Variants in STRN4 observed in about 807,000 individuals in gnomAD.
The protein encoded by STRN4 is striatin-4.
In STRN4, 27 loss-of-function variants were observed where a neutral mutation model predicts 77.9. That is an observed-to-expected ratio of 0.35 (90% confidence interval 0.26 to 0.48). STRN4 has a LOEUF of 0.48. STRN4 is among the 20% of genes least tolerant of loss of function. The pLI is 0.99. For synonymous variants in STRN4, 466 were observed against 443.1 expected (o/e 1.05, Z -0.65); for missense variants, 798 against 1,049.7 (o/e 0.76, Z 3.31).
intron 11 of STRN4, 102 bp downstream of exon 11, chr19:46,725,230 G>A: frequency 5.2e-6 from 8 of 1,525,334 alleles, no homozygotes; most frequent in Non-Finnish European, 7.2e-6. Context: ...GCCCCCTGCT[G>A]TCCTGCCTCC....
intron 1 of STRN4, 47 bp downstream of exon 1, chr19:46,746,102 C>CCGGGT: frequency 7.3e-7 from 1 of 1,373,680 alleles, no homozygotes; most frequent in Non-Finnish European, 9.4e-7. Context: ...TGAGGCCGGG[C>CCGGGT]CGGGCCGGGC....
rs750561720 is a variant in STRN4, at chr19:46,722,796, G to A, written c.1906+14C>T. ...ACTGAGACCAATTCCATGAGCTGAT[G>A]TCAGCCCCCTTACCGCTGCTGCCCC... On this transcript the variant is annotated intron_variant, in intron 14 of 17. Coordinates refer to ENST00000263280, the MANE Select transcript of STRN4 (RefSeq NM_013403.3). 5.6e-6 allele frequency: 9 copies of A among 1,613,246 alleles called. No individual in the cohort carries two copies. Among genetic ancestry groups the A allele is most frequent in the Non-Finnish European group, 7.6e-6 (9 of 1,179,698 alleles).
chr19:46,737,481 A>G (rs920897368), intron 3 of STRN4, among the ~76,000 whole-genome samples: 2 of 152,122 alleles, frequency 1.3e-5, no homozygotes, highest in African/African-American at 4.8e-5. Flanking sequence ...CATCACTATC[A>G]GCTGAGCACA....
rs115320369 is a variant in STRN4 at position 46,745,563 on chromosome 19, C to T, written c.282+586G>A. ...CCGACTTCCTCTCCCTAAATCCTCC[C>T]GGTTCCCCATCTGGACCCGCTCTTT... On this transcript the variant is annotated intron_variant, in intron 1 of 17. Transcript: ENST00000263280. Among the ~76,000 whole-genome samples, 500 of 152,246 alleles carry T rather than the reference C, an allele frequency of 3.3e-3. 3 individuals carry two copies. Among genetic ancestry groups the T allele is most frequent in the African/African-American group, 0.011 (477 of 41,530 alleles).
intron 9 of STRN4, 124 bp from the exon 10 acceptor site, chr19:46,725,772 A>C (rs1385844645): frequency 1.1e-5 from 14 of 1,274,974 alleles, no homozygotes; most frequent in Non-Finnish European, 1.2e-5. Flanking sequence ...ATGCCCTCAG[A>C]GCCTGGGCTC....
rs1441927092 is a variant in STRN4 at position 46,736,909 on chromosome 19, G to A, written c.461-8C>T. The A allele has an allele frequency of 6.2e-7, 1 of 1,610,908 alleles. No homozygotes were observed. Among genetic ancestry groups the A allele is most frequent in the Non-Finnish European group, 8.5e-7 (1 of 1,178,458 alleles). On this transcript the variant is annotated splice_region_variant and splice_polypyrimidine_tract_variant and intron_variant, in intron 3 of 17. Transcript: ENST00000263280. ...CCACGGGGCCATTGGAGACTGGCGG[G>A]TGAGAGAACGGAGGCTGTCTTAAGT...
At position 46,746,037 on chromosome 19, in the gene STRN4, C is replaced by A. The variant is rs1034659793; in HGVS notation, c.282+112G>T. The A allele has an allele frequency of 1.3e-4, 156 of 1,232,144 alleles. 10 individuals are homozygous for A. The highest frequency in any genetic ancestry group is 8.5e-4 in the African/African-American group (52 of 61,456). The allele number at this position is 1,232,144 out of a possible 1,614,324, so 76.3% of individuals were successfully genotyped here. ...ACCGTCGCGGTCCCCTCCCGCCCCC[C>A]CGCCGGCCGTCCCGGCGGCCATTGC... On this transcript the variant is annotated intron_variant, in intron 1 of 17. Transcript: ENST00000263280.
At position 46,730,758 on chromosome 19, in the gene STRN4, C is replaced by A. The variant is rs185426424; in HGVS notation, c.853G>T (p.Val285Leu). The A allele has an allele frequency of 1.2e-6, 2 of 1,612,706 alleles. No homozygotes were observed. The highest frequency in any genetic ancestry group is 2.7e-5 in the African/African-American group (2 of 75,046). ...TTCACACGCTGCTTCTTGTGCTGCA[C>A]GCTGTCCAGCTCATCGTCCTCGTCG... Reference protein sequence around the residue: ...DSDEDDELDSVQHKKQRVKLP... With the variant: ...DSDEDDELDSLQHKKQRVKLP... Residue 285 changes from valine (V) to leucine (L), a missense_variant, in exon 6 of 18, where the codon GTG becomes TTG. By Grantham distance (32) the Val-to-Leu change is conservative (BLOSUM62 1). Around this residue, in one of 2 missense-constraint regions of STRN4, gnomAD observed 511 missense variants for 575.9 expected, o/e 0.89. Coordinates refer to ENST00000263280, the MANE Select transcript of STRN4 (RefSeq NM_013403.3).
rs71970589 is a variant in STRN4 at position 46,724,249 on chromosome 19, CAAAAAA to C, written c.1594+552_1594+557del. On this transcript the variant is annotated intron_variant, in intron 12 of 17. Transcript: ENST00000263280. ...GGTGACAGAGTGAGACTCTTTGTCT[CAAAAAA>C]AAAAAAAAAAAAAAAAAAAAGGCAG... 1.6e-3 allele frequency among the ~76,000 whole-genome samples: 139 copies of C among 87,178 alleles called. 1 individual carries two copies. The highest frequency in any genetic ancestry group is 0.013 in the Middle Eastern group (2 of 158). 57.2% of individuals were successfully genotyped at this position (87,178 alleles called of 152,430 possible).
At chr19:46,735,501 A>G (rs534146440) in intron 4 of STRN4, among the ~76,000 whole-genome samples, 18 of 152,126 alleles carry the variant, frequency 1.2e-4, no homozygotes, top group African/African-American at 4.1e-4. Flanking sequence ...ATTTATTAAG[A>G]TAACAGAGGC....
chr19:46,731,268 ACACGCCCTG>A (rs1367900057), intron 5 of STRN4, among the ~76,000 whole-genome samples: 1 of 152,172 alleles, frequency 6.6e-6, no homozygotes, highest in Non-Finnish European at 1.5e-5. Flanking sequence ...CAGGAGGCAA[ACACGCCCTG>A]CAGGAAAGAG....
At position 46,728,753 on chromosome 19, in the gene STRN4, C is replaced by T. The variant is rs866004661; in HGVS notation, c.904G>A (p.Glu302Lys). The change falls in exon 7 of 18, where the codon GAA (glutamate) becomes AAA (lysine). Residue 302 changes from glutamate to lysine, a missense_variant. Glu to Lys is a moderately conservative substitution (Grantham distance 56). This residue lies in a region of STRN4 where 511 missense variants were observed against 575.9 expected (regional missense o/e 0.89). Coordinates refer to ENST00000263280, the MANE Select transcript of STRN4 (RefSeq NM_013403.3). ...TCTTCCTCATCCTCGTCTTCCATTT[C>T]GGGCACCAGAGCCTTGGATGGGAGC... ...VKLPSKALVP[E>K]MEDEDEEDDS... The T allele has an allele frequency of 2.9e-5, 47 of 1,614,064 alleles. No individual in the cohort carries two copies. Among genetic ancestry groups the T allele is most frequent in the Middle Eastern group, 3.3e-4 (2 of 6,082 alleles).
chr19:46,738,108 G>A lies in STRN4; in HGVS notation c.460+56C>T. ...GGCACCCCATCTTCCTGCTTCTCCA[G>A]AACACTCAGCTTCTGCGGGAGGGTG... On this transcript the variant is annotated intron_variant, in intron 3 of 17. Coordinates refer to ENST00000263280, the MANE Select transcript of STRN4 (RefSeq NM_013403.3). This position sits in a 1 kb window ranked among gnomAD's most constrained non-coding sequence, Gnocchi z 4.5. 2 of 1,555,670 alleles carry A rather than the reference G, an allele frequency of 1.3e-6. No individual in the cohort carries two copies. The highest frequency in any genetic ancestry group is 1.8e-6 in the Non-Finnish European group (2 of 1,126,806).
At chr19:46,725,850 G>A in intron 9 of STRN4, 1 of 668,340 alleles carries the variant, frequency 1.5e-6, no homozygotes, top group South Asian at 2.0e-5. Context: ...TCCCCACACT[G>A]CGCTGGGTTC....
At chr19:46,720,895 A>C in intron 16 of STRN4, 124 bp from the exon 17 acceptor site, 8 of 1,169,130 alleles carry the variant, frequency 6.8e-6, no homozygotes, top group Non-Finnish European at 9.1e-6. Flanking sequence ...CTCCTCTCTC[A>C]CCCTCTGCTC....
At position 46,730,811 on chromosome 19, in the gene STRN4, A is replaced by T. The variant is rs1599875910; in HGVS notation, c.800T>A (p.Phe267Tyr). 1 of 1,612,924 alleles carries T rather than the reference A, an allele frequency of 6.2e-7. No homozygotes were observed. The highest frequency in any genetic ancestry group is 1.7e-4 in the Middle Eastern group (1 of 6,004). Residue 267 changes from phenylalanine to tyrosine, a missense_variant, in exon 6 of 18, where the codon TTC becomes TAC. Phe to Tyr is a conservative substitution (Grantham distance 22). This residue lies in a region of STRN4 where 511 missense variants were observed against 575.9 expected (regional missense o/e 0.89). Coordinates refer to ENST00000263280, the MANE Select transcript of STRN4 (RefSeq NM_013403.3). ...GTCTTCGTCCTCGCAGTTCTGCAGG[A>T]AGGGGATCTGCCCCAGCACTGAGCC... Reference protein sequence around the residue: ...LGGSVLGQIPFLQNCEDEDSD... With the variant: ...LGGSVLGQIPYLQNCEDEDSD...
intron 1 of STRN4, 100 bp downstream of exon 1, chr19:46,746,049 C>T (rs1171797648): frequency 4.2e-6 from 5 of 1,199,966 alleles, no homozygotes; most frequent in African/African-American, 3.3e-5. Context: ...GCCGGCCGTC[C>T]CGGCGGCCAT....
Position 46,722,370 on chromosome 19 carries a change from T to G in STRN4, c.1907-30A>C, listed in dbSNP as rs758953919. 4.4e-6 allele frequency: 7 copies of G among 1,602,436 alleles called. No individual in the cohort carries two copies. In the African/African-American group the frequency reaches 9.4e-5, roughly 21 times the overall value. ...AGGAAAACGCAGGAAGAGGGAAGGA[T>G]GTCAAGCAGAAAATCAGGAAGACCA... On this transcript the variant is annotated intron_variant, in intron 14 of 17. Transcript: ENST00000263280.
chr19:46,733,601 C>T lies in STRN4; in HGVS notation c.540-365G>A, dbSNP rs764682939. Among the ~76,000 whole-genome samples, 23 of 152,102 alleles carry T rather than the reference C, an allele frequency of 1.5e-4. No individual in the cohort carries two copies. The Middle Eastern group carries it at 0.01, about 67-fold the overall frequency. ...AAGCTGGCCACGGTAAACAGCAGAA[C>T]GAAAACGCTAAGTTCTATGATCCAC... On this transcript the variant is annotated intron_variant, in intron 4 of 17. Coordinates refer to ENST00000263280, the MANE Select transcript of STRN4 (RefSeq NM_013403.3). This position sits in a 1 kb window ranked among gnomAD's most constrained non-coding sequence, Gnocchi z 4.3.
Sources: gnomAD v4.1 joint callset for allele counts (sites outside exome capture counted in the v4.1 genomes callset) on GRCh38, gnomAD v4.1.1 for gene constraint, gnomAD v4.1.1 regional missense constraint, Gnocchi (gnomAD v3.1) non-coding constraint, MANE v1.5 for transcripts, NCBI Gene and HGNC (gene_info 2026-07-23, HGNC 2026-07-21) for gene names.